The following PCNX2 variants were observed in gnomAD, a reference collection of about 807,000 sequenced individuals.
PCNX2 encodes the protein pecanex-like protein 2.
Under a neutral mutation model 223.8 loss-of-function variants are expected in PCNX2, and 168 were observed. That is an observed-to-expected ratio of 0.75 (90% CI 0.66 to 0.85). PCNX2 has a LOEUF of 0.85. PCNX2 is among the 40% of genes least tolerant of loss of function. The probability of loss-of-function intolerance (pLI) is 0.00; values close to 1 mark genes in which losing one functional copy is unlikely to be tolerated. For synonymous variants in PCNX2, 1,006 were observed against 1,052.6 expected (o/e 0.96, Z 0.86); for missense variants, 2,507 against 2,675.5 (o/e 0.94, Z 1.39).
intron 17 of PCNX2, among the ~76,000 whole-genome samples, chr1:233,165,316 G>C (rs1162171439): frequency 6.6e-6 from 1 of 152,074 alleles, no homozygotes; most frequent in South Asian, 2.1e-4. Context: ...TGCCTCCTAG[G>C]GCACATTTTG....
At position 233,001,521 on chromosome 1, in the gene PCNX2, T is replaced by C; in HGVS notation, c.5097+16A>G. 1 of 1,021,384 alleles carries C rather than the reference T, an allele frequency of 9.8e-7. No homozygotes were observed. Among genetic ancestry groups the C allele is most frequent in the Non-Finnish European group, 1.3e-6 (1 of 790,446 alleles). 63.3% of individuals were successfully genotyped at this position (1,021,384 alleles called of 1,614,324 possible). A position where few individuals can be genotyped will look rare whatever the true frequency, so the allele number is the denominator to read the frequency against. On this transcript the variant is annotated intron_variant, in intron 29 of 33. Coordinates refer to ENST00000258229, the MANE Select transcript of PCNX2 (RefSeq NM_014801.4). This position sits in a 1 kb window ranked among gnomAD's most constrained non-coding sequence, Gnocchi z 4.2. ...ATAAATAAATAAATAAATAAATAAA[T>C]AAAATAGGTTTTTACCTGGTGAAGT...
At position 233,017,750 on chromosome 1, in the gene PCNX2, C is replaced by T. The variant is rs553076732; in HGVS notation, c.4606-596G>A. On this transcript the variant is annotated intron_variant, in intron 26 of 33. Coordinates refer to ENST00000258229, the MANE Select transcript of PCNX2 (RefSeq NM_014801.4). Reference sequence around the variant, plus strand: ...ATCTGAGACATTTCTAAAATGTCCTCTCTTAAGGGTTATCTTAGGGAAGAG... The same window carrying T: ...ATCTGAGACATTTCTAAAATGTCCTTTCTTAAGGGTTATCTTAGGGAAGAG... 7.9e-5 allele frequency among the ~76,000 whole-genome samples: 12 copies of T among 152,294 alleles called. No individual in the cohort carries two copies. The South Asian group carries it at 1.9e-3, about 24-fold the overall frequency.
chr1:233,100,637 C>T (rs1356207046), intron 21 of PCNX2, among the ~76,000 whole-genome samples: 1 of 152,080 alleles, frequency 6.6e-6, no homozygotes. Flanking sequence ...CTTTTCTTTG[C>T]TAATACACTT....
intron 1 of PCNX2, among the ~76,000 whole-genome samples, chr1:233,277,444 A>G (rs972801271): frequency 1.3e-5 from 2 of 152,222 alleles, no homozygotes; most frequent in Non-Finnish European, 2.9e-5. Flanking sequence ...GTTCTTGGTC[A>G]TTGCATCACA....
rs1264565348 is a variant in PCNX2, at chr1:233,253,141, T to G, written c.1835-353A>C. Among the ~76,000 whole-genome samples the G allele has an allele frequency of 9.9e-5, 15 of 152,212 alleles. No individual in the cohort carries two copies. The highest frequency in any genetic ancestry group is 1.5e-5 in the Non-Finnish European group (1 of 68,024). Reference sequence around the variant, plus strand: ...GTCTGAAAGGTTCATATCTCATAAATGAATAACTTCAGATTTTAAAAAATT... The same window carrying G: ...GTCTGAAAGGTTCATATCTCATAAAGGAATAACTTCAGATTTTAAAAAATT... On this transcript the variant is annotated intron_variant, in intron 5 of 33. Transcript: ENST00000258229. The surrounding 1 kb of genome is among the most constrained non-coding windows in gnomAD (Gnocchi z 4.2).
intron 12 of PCNX2, among the ~76,000 whole-genome samples, chr1:233,210,779 C>G (rs1681770609): frequency 6.6e-6 from 1 of 152,162 alleles, no homozygotes; most frequent in African/African-American, 2.4e-5. Flanking sequence ...CCATCAGGCC[C>G]CATCTGCTTT....
intron 13 of PCNX2, chr1:233,201,959 C>T (rs543229825): frequency 3.6e-5 from 8 of 221,258 alleles, no homozygotes; most frequent in African/African-American, 1.9e-4. Context: ...CTTAATGAAA[C>T]AATACAGGAA....
chr1:233,325,899 A>G, the PCNX2 span, among the ~76,000 whole-genome samples: 1 of 152,224 alleles, frequency 6.6e-6, no homozygotes, highest in East Asian at 1.9e-4. Flanking sequence ...ACAGCTTCCC[A>G]TGCTACAGAG....
chr1:233,200,335 GTCTC>G, intron 13 of PCNX2, 71 bp from the exon 14 acceptor site: 1 of 1,031,150 alleles, frequency 9.7e-7, no homozygotes, highest in South Asian at 1.6e-5. Context: ...CTGCAGTGCT[GTCTC>G]TCTCCCCTTC....
At chr1:233,270,995 A>G (rs1410486660) in intron 1 of PCNX2, among the ~76,000 whole-genome samples, 1 of 152,246 alleles carries the variant, frequency 6.6e-6, no homozygotes, top group Non-Finnish European at 1.5e-5. Context: ...TTGAATGGAT[A>G]ACTTAGTAAA....
chr1:233,145,659 CAGG>C (rs1677401001), intron 19 of PCNX2, among the ~76,000 whole-genome samples: 1 of 152,114 alleles, frequency 6.6e-6, no homozygotes, highest in Non-Finnish European at 1.5e-5. Context: ...CGGAGGCTGC[CAGG>C]GGCAGGGCAT....
At chr1:233,015,623 G>A (rs1450196895) in intron 27 of PCNX2, among the ~76,000 whole-genome samples, 1 of 152,098 alleles carries the variant, frequency 6.6e-6, no homozygotes, top group African/African-American at 2.4e-5. Context: ...AACCCGGGGG[G>A]CAGAGGCTGC....
rs1368231403 is a variant in PCNX2 at position 233,177,908 on chromosome 1, GA to G, written c.3177-11del. ...GCATTGGATGAAGGACCTGAAAGTGGAAAAACACAATACTTCATCAAAGATG... is the reference window on the plus strand; with the variant it reads ...GCATTGGATGAAGGACCTGAAAGTGGAAAACACAATACTTCATCAAAGATG... On this transcript the variant is annotated splice_polypyrimidine_tract_variant and intron_variant, in intron 16 of 33. Transcript: ENST00000258229. 6.2e-6 allele frequency: 10 copies of G among 1,604,000 alleles called. No individual in the cohort carries two copies. Among genetic ancestry groups the G allele is most frequent in the Non-Finnish European group, 8.5e-6 (10 of 1,171,032 alleles).
intron 25 of PCNX2, among the ~76,000 whole-genome samples, chr1:233,040,077 A>C: frequency 6.6e-6 from 1 of 152,238 alleles, no homozygotes; most frequent in East Asian, 1.9e-4. Context: ...ATAATTAAAA[A>C]GGCAAATGCC....
chr1:233,231,492 G>T (rs558280857), intron 9 of PCNX2: 1 of 284,136 alleles, frequency 3.5e-6, no homozygotes, highest in East Asian at 1.8e-4. Context: ...TAAGTGATCA[G>T]CTCTATAGAA....
rs546479275 is a variant in PCNX2, at chr1:232,993,163, G to T, written c.5791+5088C>A. 2.6e-5 allele frequency among the ~76,000 whole-genome samples: 4 copies of T among 152,342 alleles called. No individual in the cohort carries two copies. In the South Asian group the frequency reaches 8.3e-4, roughly 32 times the overall value. On this transcript the variant is annotated intron_variant, in intron 32 of 33. Coordinates refer to ENST00000258229, the MANE Select transcript of PCNX2 (RefSeq NM_014801.4). Reference sequence around the variant, plus strand: ...GGCTCAGAAGAAGACAGGCAGATGAGTGAAAGTTTGGAACTTCCTAGAGAC... The same window carrying T: ...GGCTCAGAAGAAGACAGGCAGATGATTGAAAGTTTGGAACTTCCTAGAGAC...
At chr1:233,044,478 T>C (rs1490462096) in intron 25 of PCNX2, among the ~76,000 whole-genome samples, 1 of 152,200 alleles carries the variant, frequency 6.6e-6, no homozygotes, top group Non-Finnish European at 1.5e-5. Context: ...CAATGATTAA[T>C]CTTTCCACTC....
chr1:233,127,185 G>C (rs962415531), intron 21 of PCNX2, among the ~76,000 whole-genome samples: 1 of 152,118 alleles, frequency 6.6e-6, no homozygotes, highest in Non-Finnish European at 1.5e-5. Flanking sequence ...GCCGTCAGCT[G>C]ATATAGGAAT....
chr1:233,147,860 G>A (rs6424281), intron 19 of PCNX2, among the ~76,000 whole-genome samples: 15,573 of 152,186 alleles, frequency 0.1, 2,400 homozygotes, highest in African/African-American at 0.34. Flanking sequence ...AGCAAAGCAA[G>A]ATGATAGCTA....
Sources: gnomAD v4.1 joint callset for allele counts (sites outside exome capture counted in the v4.1 genomes callset) on GRCh38, gnomAD v4.1.1 for gene constraint, Gnocchi (gnomAD v3.1) non-coding constraint, MANE v1.5 for transcripts, NCBI Gene and HGNC (gene_info 2026-07-23, HGNC 2026-07-21) for gene names.